Variants in SLC35F1 observed in about 807,000 individuals in gnomAD.
SLC35F1 encodes chromosome 6 open reading frame 169.
Under a neutral mutation model 48.7 loss-of-function variants are expected in SLC35F1, and 14 were observed. That is an observed-to-expected ratio of 0.29 (90% CI 0.19 to 0.45). The LOEUF is 0.45. Ranked by LOEUF, SLC35F1 falls within the 20% of genes least tolerant of loss-of-function variation. The pLI, the probability that SLC35F1 is intolerant of heterozygous loss-of-function variation, is 1.00. For synonymous variants in SLC35F1, 190 were observed against 202.2 expected, an observed-to-expected ratio of 0.94 and a Z score of 0.51; for missense variants, 404 against 500.0, an observed-to-expected ratio of 0.81 and a Z score of 1.83.
chr6:118,031,979 C>T (rs1353768928), intron 1 of SLC35F1, among the ~76,000 whole-genome samples: 4 of 152,058 alleles, frequency 2.6e-5, no homozygotes, highest in East Asian at 1.9e-4. Flanking sequence ...TATTCAATCC[C>T]GCCTCTGGAG....
At chr6:118,037,517 G>A (rs1772151521) in intron 1 of SLC35F1, among the ~76,000 whole-genome samples, 1 of 151,900 alleles carries the variant, frequency 6.6e-6, no homozygotes, top group Non-Finnish European at 1.5e-5. Flanking sequence ...GAATTTTGGG[G>A]GGGTTACTTT....
At chr6:118,182,052 C>A (rs946351569) in intron 2 of SLC35F1, among the ~76,000 whole-genome samples, 2 of 152,134 alleles carry the variant, frequency 1.3e-5, no homozygotes, top group Non-Finnish European at 2.9e-5. Flanking sequence ...TTGGATGATA[C>A]TTTCTGTTAT....
chr6:117,957,563 A>T, intron 1 of SLC35F1, among the ~76,000 whole-genome samples: 1 of 152,242 alleles, frequency 6.6e-6, no homozygotes, highest in Non-Finnish European at 1.5e-5. Context: ...ACATAGGGTT[A>T]TATAAAGTTG....
Position 117,907,466 on chromosome 6 carries a change from C to A in SLC35F1, c.-261C>A. The A allele has an allele frequency of 4.0e-6, 1 of 251,116 alleles. No individual in the cohort carries two copies. The highest frequency in any genetic ancestry group is 7.4e-6 in the Non-Finnish European group (1 of 134,440). The allele number at this position is 251,116 out of a possible 1,614,324, so 15.6% of individuals were successfully genotyped here. A position where few individuals can be genotyped will look rare whatever the true frequency, so the allele number is the denominator to read the frequency against. On this transcript the variant is annotated 5_prime_UTR_variant, in exon 1 of 8. Transcript: ENST00000360388. Reference sequence around the variant, plus strand: ...GGCGGGCCAGGACTTGGGGACGCGGCTCGGGAAGAGCCGGGGCGGGCGGCG... The same window carrying A: ...GGCGGGCCAGGACTTGGGGACGCGGATCGGGAAGAGCCGGGGCGGGCGGCG...
At chr6:118,126,122 C>G (rs1453127751) in intron 1 of SLC35F1, among the ~76,000 whole-genome samples, 1 of 152,144 alleles carries the variant, frequency 6.6e-6, no homozygotes, top group Non-Finnish European at 1.5e-5. Context: ...AAGATGACAG[C>G]CCCAGCACTC....
At chr6:118,136,517 A>T (rs1199163126) in intron 1 of SLC35F1, among the ~76,000 whole-genome samples, 1 of 152,272 alleles carries the variant, frequency 6.6e-6, no homozygotes, top group African/African-American at 2.4e-5. Flanking sequence ...CGTTATTTGT[A>T]TCTTGAAGGA....
intron 1 of SLC35F1, among the ~76,000 whole-genome samples, chr6:118,132,990 G>A (rs1343850552): frequency 1.3e-5 from 2 of 152,132 alleles, no homozygotes; most frequent in Non-Finnish European, 2.9e-5. Flanking sequence ...TCCTTCCAGT[G>A]GAGGAAGGAA....
intron 1 of SLC35F1, among the ~76,000 whole-genome samples, chr6:118,078,613 A>AT (rs1772859201): frequency 1.3e-5 from 2 of 152,190 alleles, no homozygotes; most frequent in African/African-American, 4.8e-5. Context: ...TTACACATTG[A>AT]TTTTTACCAT....
intron 1 of SLC35F1, among the ~76,000 whole-genome samples, chr6:117,933,840 T>C (rs1156438021): frequency 6.6e-6 from 1 of 152,076 alleles, no homozygotes; most frequent in East Asian, 1.9e-4. Context: ...TAGTGCACTT[T>C]CTAGGACCCT....
rs147274605 is a variant in SLC35F1, at chr6:118,220,074, G to A, written c.350-15435G>A. On this transcript the variant is annotated intron_variant, in intron 2 of 7. Transcript: ENST00000360388. ...AGGAGATATACCTAATGTAAATGAC[G>A]AGTAATGGGTGCAGCACACTAACGT... Among the ~76,000 whole-genome samples, 376 of 152,150 alleles carry A rather than the reference G, an allele frequency of 2.5e-3. 1 individual carries two copies. Among genetic ancestry groups the A allele is most frequent in the African/African-American group, 8.5e-3 (352 of 41,508 alleles).
At chr6:117,996,026 T>C (rs1032851820) in intron 1 of SLC35F1, among the ~76,000 whole-genome samples, 3 of 152,190 alleles carry the variant, frequency 2.0e-5, no homozygotes, top group Non-Finnish European at 4.4e-5. Context: ...TGGAAATAAG[T>C]GCTCTCCATG....
chr6:117,982,595 G>A (rs1337020787), intron 1 of SLC35F1, among the ~76,000 whole-genome samples: 4 of 152,276 alleles, frequency 2.6e-5, no homozygotes, highest in Non-Finnish European at 4.4e-5. Context: ...CAGAATCTGT[G>A]GTATGGATGG....
intron 1 of SLC35F1, among the ~76,000 whole-genome samples, chr6:118,140,938 G>C (rs1436416835): frequency 6.6e-6 from 1 of 152,150 alleles, no homozygotes; most frequent in Non-Finnish European, 1.5e-5. Context: ...TTTGAGCTAA[G>C]TGTTATCACA....
intron 1 of SLC35F1, among the ~76,000 whole-genome samples, chr6:118,113,294 T>G (rs1773434626): frequency 6.6e-6 from 1 of 152,118 alleles, no homozygotes; most frequent in African/African-American, 2.4e-5. Flanking sequence ...GCTATGTTGC[T>G]CAGGCTGGTT....
At chr6:118,311,957 G>T (rs921437094) in intron 7 of SLC35F1, among the ~76,000 whole-genome samples, 1 of 152,174 alleles carries the variant, frequency 6.6e-6, no homozygotes, top group African/African-American at 2.4e-5. Context: ...AACTATAAGT[G>T]TTCTACATGC....
chr6:118,198,856 G>A (rs1291753104), intron 2 of SLC35F1, among the ~76,000 whole-genome samples: 4 of 152,178 alleles, frequency 2.6e-5, no homozygotes, highest in Admixed American at 2.0e-4. Context: ...TCCTACATCT[G>A]GAAGGTTTTG....
intron 1 of SLC35F1, among the ~76,000 whole-genome samples, chr6:118,030,322 A>AC (rs1307005578): frequency 1.3e-5 from 2 of 152,184 alleles, no homozygotes; most frequent in Non-Finnish European, 2.9e-5. Context: ...TTGAGATTGT[A>AC]TAGAGTCGGT....
chr6:118,091,048 A>G (rs556844265), intron 1 of SLC35F1, among the ~76,000 whole-genome samples: 3 of 152,180 alleles, frequency 2.0e-5, no homozygotes, highest in Non-Finnish European at 4.4e-5. Context: ...AGATGTCCGG[A>G]TGACACATAA....
chr6:118,137,780 GA>G (rs1418865027), intron 1 of SLC35F1, among the ~76,000 whole-genome samples: 2 of 152,118 alleles, frequency 1.3e-5, no homozygotes, highest in African/African-American at 4.8e-5. Context: ...CCCCAAAGTG[GA>G]ATGAGGGGGT....
Sources: gnomAD v4.1 joint callset for allele counts (sites outside exome capture counted in the v4.1 genomes callset) on GRCh38, gnomAD v4.1.1 for gene constraint, MANE v1.5 for transcripts, NCBI Gene and HGNC (gene_info 2026-07-23, HGNC 2026-07-21) for gene names.